PCDH9: variants seen among roughly 807,000 people sequenced by gnomAD.
The protein encoded by PCDH9 is protocadherin-9.
A neutral mutation model predicts 70.6 loss-of-function variants in PCDH9; 24 were observed. The ratio of observed to expected loss-of-function variants is 0.34; its 90% confidence interval spans 0.25 to 0.48. PCDH9 has a LOEUF of 0.48. Ranked by LOEUF, PCDH9 falls within the 20% of genes least tolerant of loss-of-function variation. PCDH9 has a pLI of 0.99. For missense variants in PCDH9, 1,281 were observed against 1,503.6 expected (o/e 0.85, Z 2.45); for synonymous variants, 562 against 558.5 (o/e 1.01, Z -0.09).
In PCDH9 at chr13:66,716,378, G is replaced by T. The variant is rs987341596; in HGVS notation, c.3139-84967C>A. ...AATTCATTGGCTTGTTTACTAATTT[G>T]CAATAAGAAGTGTAGAGGAGACCAG... On this transcript the variant is annotated intron_variant, in intron 3 of 4. Transcript: ENST00000377865. Among the ~76,000 whole-genome samples, 4 of 152,294 alleles carry T rather than the reference G, an allele frequency of 2.6e-5. No individual in the cohort carries two copies. In the South Asian group the frequency reaches 8.3e-4, roughly 32 times the overall value.
In PCDH9 at chr13:66,303,500, A is replaced by C. The variant is rs1955406608; in HGVS notation, c.*1155T>G. The C allele has an allele frequency of 6.6e-6, 1 of 152,530 alleles. No homozygotes were observed. The allele number at this position is 152,530 out of a possible 1,614,324, so 9.4% of individuals were successfully genotyped here. On this transcript the variant is annotated 3_prime_UTR_variant, in exon 5 of 5. Coordinates refer to ENST00000377865, the MANE Select transcript of PCDH9 (RefSeq NM_203487.3). ...ATTAAATATTTTGTGGCTATGGTCT[A>C]ATAACACTTGTGTTACAACAACATT...
chr13:66,715,857 T>C (rs1593941523), intron 3 of PCDH9, among the ~76,000 whole-genome samples: 1 of 152,236 alleles, frequency 6.6e-6, no homozygotes, highest in African/African-American at 2.4e-5. Context: ...TTCACATTCA[T>C]GTTTTGCCCT....
intron 2 of PCDH9, among the ~76,000 whole-genome samples, chr13:66,980,742 G>GTTTTTTTTTTTTTTTTTTTTTTTTTT (rs550869529): frequency 9.3e-6 from 1 of 107,380 alleles, no homozygotes; most frequent in African/African-American, 3.6e-5. Flanking sequence ...TTTTTTTTTT[G>GTTTTTTTTTTTTTTTTTTTTTTTTTT]TTTTTTTTTT....
intron 4 of PCDH9, among the ~76,000 whole-genome samples, chr13:66,365,292 C>T (rs1182602142): frequency 1.3e-5 from 2 of 152,118 alleles, no homozygotes; most frequent in African/African-American, 4.8e-5. Context: ...GATGTGCTAC[C>T]TCTAGAGAAC....
intron 4 of PCDH9, among the ~76,000 whole-genome samples, chr13:66,441,099 A>G (rs1487721705): frequency 6.6e-6 from 1 of 152,204 alleles, no homozygotes; most frequent in African/African-American, 2.4e-5. Flanking sequence ...GTTTTCCTAA[A>G]TGAAATTGCT....
At chr13:66,881,372 C>T (rs921495130) in intron 3 of PCDH9, among the ~76,000 whole-genome samples, 3 of 152,080 alleles carry the variant, frequency 2.0e-5, no homozygotes, top group African/African-American at 7.2e-5. Flanking sequence ...ACATGGATGG[C>T]GGCAGTCAAA....
At chr13:66,732,407 T>C (rs1490885596) in intron 3 of PCDH9, among the ~76,000 whole-genome samples, 4 of 151,984 alleles carry the variant, frequency 2.6e-5, no homozygotes, top group Non-Finnish European at 5.9e-5. Context: ...ATTTAACATA[T>C]ATATTGACCT....
intron 3 of PCDH9, among the ~76,000 whole-genome samples, chr13:66,811,625 T>C: frequency 7.5e-6 from 1 of 133,460 alleles, no homozygotes; most frequent in Admixed American, 7.4e-5. Context: ...CTAACCTGCC[T>C]TCCTGCCTGC....
intron 4 of PCDH9, among the ~76,000 whole-genome samples, chr13:66,564,461 A>T (rs1221713236): frequency 6.6e-6 from 1 of 152,100 alleles, no homozygotes; most frequent in Non-Finnish European, 1.5e-5. Context: ...CCACCACACT[A>T]GTCATTGATT....
At chr13:66,359,841 TC>T (rs1315956237) in intron 4 of PCDH9, among the ~76,000 whole-genome samples, 2 of 152,076 alleles carry the variant, frequency 1.3e-5, no homozygotes, top group African/African-American at 4.8e-5. Context: ...TTCAGAAATC[TC>T]TATTATTTCT....
chr13:66,378,958 T>C (rs1249968370), intron 4 of PCDH9, among the ~76,000 whole-genome samples: 2 of 152,214 alleles, frequency 1.3e-5, no homozygotes, highest in Admixed American at 1.3e-4. Flanking sequence ...AAGCTGTCAA[T>C]ATCTGGCCTT....
chr13:66,793,788 A>G (rs1011268212), intron 3 of PCDH9, among the ~76,000 whole-genome samples: 3 of 152,130 alleles, frequency 2.0e-5, no homozygotes, highest in Non-Finnish European at 4.4e-5. Context: ...TTGGAGCTTT[A>G]TTTTCATTGG....
chr13:67,117,727 A>AG (rs2086805010), intron 2 of PCDH9, among the ~76,000 whole-genome samples: 1 of 152,274 alleles, frequency 6.6e-6, no homozygotes, highest in South Asian at 2.1e-4. Flanking sequence ...TCACAGATAA[A>AG]GGAGGGATGG....
At chr13:66,316,447 C>G (rs1003910022) in intron 4 of PCDH9, among the ~76,000 whole-genome samples, 3 of 152,200 alleles carry the variant, frequency 2.0e-5, no homozygotes, top group Non-Finnish European at 4.4e-5. Context: ...CTCTCATGAT[C>G]TGGTTCCTGC....
chr13:66,506,122 G>A, intron 4 of PCDH9, among the ~76,000 whole-genome samples: 1 of 152,244 alleles, frequency 6.6e-6, no homozygotes, highest in South Asian at 2.1e-4. Flanking sequence ...TCTAGAGGAA[G>A]GGCATCATGC....
chr13:66,633,015 A>G (rs2077591952), intron 3 of PCDH9, among the ~76,000 whole-genome samples: 1 of 152,170 alleles, frequency 6.6e-6, no homozygotes, highest in South Asian at 2.1e-4. Flanking sequence ...AGGTATACTG[A>G]AACTGTATGA....
intron 3 of PCDH9, among the ~76,000 whole-genome samples, chr13:66,783,678 T>C (rs1352897879): frequency 6.6e-6 from 1 of 152,144 alleles, no homozygotes; most frequent in African/African-American, 2.4e-5. Context: ...TCAGATATAT[T>C]ACAAAATAAA....
chr13:66,352,316 G>C (rs1956305878), intron 4 of PCDH9, among the ~76,000 whole-genome samples: 1 of 152,036 alleles, frequency 6.6e-6, no homozygotes, highest in African/African-American at 2.4e-5. Context: ...CTGTGCCTTT[G>C]CATGCCCTTG....
At chr13:67,160,284 G>A (rs964684905) in intron 2 of PCDH9, among the ~76,000 whole-genome samples, 1 of 152,136 alleles carries the variant, frequency 6.6e-6, no homozygotes, top group Non-Finnish European at 1.5e-5. Context: ...GGTGGCTCAC[G>A]CCTGTAATCC....
Sources: gnomAD v4.1 joint callset for allele counts (sites outside exome capture counted in the v4.1 genomes callset) on GRCh38, gnomAD v4.1.1 for gene constraint, MANE v1.5 for transcripts, NCBI Gene and HGNC (gene_info 2026-07-23, HGNC 2026-07-21) for gene names.